REC114: variants seen among roughly 807,000 people sequenced by gnomAD.
REC114 encodes the protein REC114 meiotic recombination protein, also known as meiotic recombination protein REC114.
REC114 carries 27 observed loss-of-function variants against 31.3 expected under a neutral mutation model. The observed-to-expected ratio is 0.86, with a 90% confidence interval of 0.64 to 1.19. The LOEUF (loss-of-function observed/expected upper bound fraction) is 1.19, where lower values mean the gene tolerates loss of function less well. Among genes scored for constraint, REC114 ranks in the 50% most tolerant of loss-of-function variants. REC114 has a pLI of 0.00. For synonymous variants in REC114, 134 were observed against 127.7 expected (o/e 1.05, Z -0.33); for missense variants, 344 against 326.9 (o/e 1.05, Z -0.40).
rs1210489560 is a variant in REC114, at chr15:73,443,238, C to T, written c.53C>T (p.Ala18Val). The change falls in exon 1 of 6, where the codon GCG becomes GTG. Residue 18 changes from alanine to valine, a missense_variant. Physicochemically the swap from Ala to Val is moderately conservative, Grantham distance 64. Transcript: ENST00000331090. ...AGCCTCGGGCTTACCGGAGGAGAAGCGGCAGAGTGGCCTCTGCAGCGGTAC... is the reference window on the plus strand; with the variant it reads ...AGCCTCGGGCTTACCGGAGGAGAAGTGGCAGAGTGGCCTCTGCAGCGGTAC... ...PLSLGLTGGE[A>V]AEWPLQRYAR... 3.2e-6 allele frequency: 5 copies of T among 1,574,132 alleles called. No individual in the cohort carries two copies. The highest frequency in any genetic ancestry group is 2.7e-5 in the African/African-American group (2 of 74,042).
chr15:73,505,715 G>A (rs756362437), intron 2 of REC114, among the ~76,000 whole-genome samples: 4 of 152,086 alleles, frequency 2.6e-5, no homozygotes, highest in African/African-American at 9.7e-5. Flanking sequence ...GTATGTTTTA[G>A]TAGAGACAGG....
chr15:73,468,445 T>C (rs75571862), intron 1 of REC114, among the ~76,000 whole-genome samples: 5 of 152,332 alleles, frequency 3.3e-5, no homozygotes, highest in African/African-American at 1.2e-4. Flanking sequence ...GTAACCTTTC[T>C]AAAATTCACT....
intron 2 of REC114, among the ~76,000 whole-genome samples, chr15:73,492,062 T>C (rs575313563): frequency 4.6e-5 from 7 of 152,332 alleles, no homozygotes; most frequent in African/African-American, 1.7e-4. Context: ...AGTTCTCATT[T>C]TCTGAATGAC....
At chr15:73,459,780 A>G (rs980234568) in intron 1 of REC114, among the ~76,000 whole-genome samples, 1 of 152,166 alleles carries the variant, frequency 6.6e-6, no homozygotes, top group Admixed American at 6.5e-5. Context: ...TTTCTTTGCC[A>G]GTGTTGCAGA....
intron 3 of REC114, among the ~76,000 whole-genome samples, chr15:73,546,885 A>G (rs571856499): frequency 9.9e-5 from 15 of 152,106 alleles, no homozygotes; most frequent in African/African-American, 3.4e-4. Flanking sequence ...CAAGACTCCT[A>G]TCTTTCACCA....
chr15:73,558,145 G>C (rs1392503377), intron 5 of REC114, among the ~76,000 whole-genome samples: 3 of 152,142 alleles, frequency 2.0e-5, no homozygotes, highest in Non-Finnish European at 2.9e-5. Flanking sequence ...TTCAAGACTA[G>C]CCTGGCCTAA....
chr15:73,473,767 T>A, intron 1 of REC114, 65 bp from the exon 2 acceptor site: 2 of 885,464 alleles, frequency 2.3e-6, no homozygotes, highest in Non-Finnish European at 3.5e-6. Flanking sequence ...GTCATCAGTA[T>A]TGTAAGTTTA....
intron 2 of REC114, among the ~76,000 whole-genome samples, chr15:73,513,686 C>G (rs1366834902): frequency 1.3e-5 from 2 of 152,000 alleles, no homozygotes; most frequent in Non-Finnish European, 2.9e-5. Context: ...AGCTGCAGGT[C>G]TGTTGGAATA....
chr15:73,477,345 G>A (rs1182373167), intron 2 of REC114, among the ~76,000 whole-genome samples: 1 of 152,106 alleles, frequency 6.6e-6, no homozygotes, highest in African/African-American at 2.4e-5. Context: ...AAATTTTGAA[G>A]TTCAATATTT....
intron 2 of REC114, among the ~76,000 whole-genome samples, chr15:73,530,055 T>C (rs1359666076): frequency 6.6e-6 from 1 of 152,210 alleles, no homozygotes; most frequent in Non-Finnish European, 1.5e-5. Context: ...AAACTGGTTA[T>C]ATAGCTTTTA....
intron 1 of REC114, among the ~76,000 whole-genome samples, chr15:73,453,420 T>C (rs578020224): frequency 1.3e-5 from 2 of 152,284 alleles, no homozygotes; most frequent in Admixed American, 6.5e-5. Context: ...CACAATGAGA[T>C]ACCATCTCAT....
intron 3 of REC114, among the ~76,000 whole-genome samples, chr15:73,548,279 T>A: frequency 6.6e-6 from 1 of 152,212 alleles, no homozygotes; most frequent in Non-Finnish European, 1.5e-5. Flanking sequence ...CAGCTAATTA[T>A]TGTATTTTTA....
chr15:73,550,013 G>A (rs1003222152), intron 3 of REC114, among the ~76,000 whole-genome samples: 1 of 152,118 alleles, frequency 6.6e-6, no homozygotes, highest in African/African-American at 2.4e-5. Context: ...AAGCAACATG[G>A]TATATATATT....
intron 1 of REC114, among the ~76,000 whole-genome samples, chr15:73,462,533 A>T (rs1160928249): frequency 6.6e-6 from 1 of 152,158 alleles, no homozygotes; most frequent in Non-Finnish European, 1.5e-5. Context: ...CATTTCAAAC[A>T]TAATCAAAGG....
At chr15:73,496,030 A>G (rs73444107) in intron 2 of REC114, among the ~76,000 whole-genome samples, 9,270 of 152,122 alleles carry the variant, frequency 0.061, 457 homozygotes, top group African/African-American at 0.13. Context: ...TTTTTTATTT[A>G]AACTTTTTAT....
chr15:73,506,336 C>G (rs545973293), intron 2 of REC114, among the ~76,000 whole-genome samples: 58 of 152,220 alleles, frequency 3.8e-4, no homozygotes, highest in African/African-American at 1.4e-3. Flanking sequence ...TTTAATGTCA[C>G]TTAGTATTGT....
chr15:73,550,260 CAAATA>C (rs1225349622), intron 3 of REC114, among the ~76,000 whole-genome samples: 3 of 152,164 alleles, frequency 2.0e-5, no homozygotes, highest in Admixed American at 2.0e-4. Flanking sequence ...TACTTGTAAT[CAAATA>C]AGTTTGATGT....
chr15:73,481,500 T>C (rs1382993741), intron 2 of REC114, among the ~76,000 whole-genome samples: 1 of 152,104 alleles, frequency 6.6e-6, no homozygotes, highest in African/African-American at 2.4e-5. Context: ...GACCCCATCC[T>C]CAGTTTACCT....
intron 2 of REC114, among the ~76,000 whole-genome samples, chr15:73,520,168 CA>C (rs1893915821): frequency 6.6e-6 from 1 of 151,808 alleles, no homozygotes; most frequent in Admixed American, 6.6e-5. Flanking sequence ...TTGACTGATT[CA>C]ACAAATTACA....
Sources: gnomAD v4.1 joint callset for allele counts (sites outside exome capture counted in the v4.1 genomes callset) on GRCh38, gnomAD v4.1.1 for gene constraint, MANE v1.5 for transcripts, NCBI Gene and HGNC (gene_info 2026-07-23, HGNC 2026-07-21) for gene names.